The following HMCN2 variants were observed in gnomAD, a reference collection of about 807,000 sequenced individuals.
The protein encoded by HMCN2 is hemicentin-2.
Under a neutral mutation model 377.5 loss-of-function variants are expected in HMCN2, and 325 were observed. That is an observed-to-expected ratio of 0.86 (90% CI 0.79 to 0.94). The LOEUF (loss-of-function observed/expected upper bound fraction) is 0.94. Ranked by LOEUF, HMCN2 falls within the 40% of genes least tolerant of loss-of-function variation. The probability of loss-of-function intolerance (pLI) is 0.00; values close to 1 mark genes in which losing one functional copy is unlikely to be tolerated. For synonymous variants in HMCN2, 2,007 were observed against 2,046.8 expected, an observed-to-expected ratio of 0.98 and a Z score of 0.53; for missense variants, 4,543 against 4,725.3, an observed-to-expected ratio of 0.96 and a Z score of 1.13.
intron 31 of HMCN2, among the ~76,000 whole-genome samples, chr9:130,353,898 G>T (rs1280024842): frequency 1.3e-5 from 2 of 152,162 alleles, no homozygotes; most frequent in African/African-American, 4.8e-5. Flanking sequence ...ATAGGGGTCA[G>T]CCTGGCCCCC....
chr9:130,275,914 G>A (rs1554922987), intron 1 of HMCN2, among the ~76,000 whole-genome samples: 2 of 152,238 alleles, frequency 1.3e-5, no homozygotes, highest in South Asian at 2.1e-4. Context: ...GACTAGGCAC[G>A]TCCCTGTCAT....
chr9:130,416,547 T>C (rs945739434), intron 85 of HMCN2, among the ~76,000 whole-genome samples: 1 of 152,244 alleles, frequency 6.6e-6, no homozygotes, highest in Non-Finnish European at 1.5e-5. Context: ...TTCTGCTACA[T>C]GGATGTACCA....
In HMCN2 at chr9:130,334,760, T is replaced by C. The variant is rs1287764386; in HGVS notation, c.3360-3134T>C. On this transcript the variant is annotated intron_variant, in intron 22 of 97. Transcript: ENST00000683500. ...TCTCTTTCTCTTTCTCTCTCTCTCT[T>C]CTCTCTCTCTCTCTCTCTCCCTCTT... 9.4e-4 allele frequency among the ~76,000 whole-genome samples: 22 copies of C among 23,286 alleles called. 1 individual carries two copies. The highest frequency in any genetic ancestry group is 0.056 in the Middle Eastern group (2 of 36). The allele number at this position is 23,286 out of a possible 152,430, so 15.3% of individuals were successfully genotyped here. A position where few individuals can be genotyped will look rare whatever the true frequency, so the allele number is the denominator to read the frequency against.
In HMCN2 at chr9:130,313,407, GCCAGTCAGGAGT is replaced by G. The variant is rs1198769410; in HGVS notation, c.2350+3349_2350+3360del. 1.7e-4 allele frequency among the ~76,000 whole-genome samples: 25 copies of G among 150,466 alleles called. 1 individual carries two copies. Among genetic ancestry groups the G allele is most frequent in the Non-Finnish European group, 3.4e-4 (23 of 66,916 alleles). ...GGATTACCTTCCGAGCCTGGCATCT[GCCAGTCAGGAGT>G]CCTAGGCTCCATGCCCAGGTCCGCT... On this transcript the variant is annotated intron_variant, in intron 15 of 97. Coordinates refer to ENST00000683500, the MANE Select transcript of HMCN2 (RefSeq NM_001291815.2).
intron 97 of HMCN2, 90 bp downstream of exon 97, chr9:130,432,645 C>T: frequency 7.3e-7 from 1 of 1,366,546 alleles, no homozygotes; most frequent in South Asian, 1.3e-5. Context: ...CATTGTCACT[C>T]CCCACACAAG....
intron 85 of HMCN2, among the ~76,000 whole-genome samples, chr9:130,413,486 A>G (rs1291086448): frequency 6.6e-6 from 1 of 152,184 alleles, no homozygotes; most frequent in Non-Finnish European, 1.5e-5. Context: ...TCCAGACAAG[A>G]TGGTATAGAT....
chr9:130,383,971 G>A (rs748234343), intron 57 of HMCN2, among the ~76,000 whole-genome samples: 1 of 151,748 alleles, frequency 6.6e-6, no homozygotes, highest in South Asian at 2.1e-4. Context: ...AGAGGAGTGG[G>A]ATTGGGGGGG....
Position 130,407,649 on chromosome 9 carries a change from G to C in HMCN2, c.12632G>C (p.Cys4211Ser). Reference sequence around the variant, plus strand: ...AGAGAAGACAGCGGGACCTATGTCTGCTGGGCGGAGAACAGAGTGGGCCGC... The same window carrying C: ...AGAGAAGACAGCGGGACCTATGTCTCCTGGGCGGAGAACAGAGTGGGCCGC... ...VSREDSGTYV[C>S]WAENRVGRTQ... Residue 4211 changes from cysteine to serine, a missense_variant, in exon 83 of 98, where the codon TGC (cysteine) becomes TCC (serine). Transcript: ENST00000683500. 7.8e-7 allele frequency: 1 copy of C among 1,284,202 alleles called. No homozygotes were observed. Among genetic ancestry groups the C allele is most frequent in the Non-Finnish European group, 1.0e-6 (1 of 985,130 alleles). 79.6% of individuals were successfully genotyped at this position (1,284,202 alleles called of 1,614,324 possible).
chr9:130,373,733 G>GATGGA (rs1564828411), intron 48 of HMCN2, among the ~76,000 whole-genome samples: 36 of 21,240 alleles, frequency 1.7e-3, no homozygotes, highest in East Asian at 0.011. Flanking sequence ...GGATGGATAG[G>GATGGA]TAGGTGGATG....
In HMCN2 at chr9:130,427,507, G is replaced by C; in HGVS notation, c.13953G>C (p.Glu4651Asp). 1 of 1,550,490 alleles carries C rather than the reference G, an allele frequency of 6.4e-7. No individual in the cohort carries two copies. The highest frequency in any genetic ancestry group is 8.7e-7 in the Non-Finnish European group (1 of 1,146,950). ...CCCTTCCTGCCCCAGACAGGGACGA[G>C]TGCTCAGGAGGCCCTAGCCCCTGCT... ...SQGAFCVDRD[E>D]CSGGPSPCSH... Residue 4651 changes from glutamate (E) to aspartate (D), a missense_variant, in exon 92 of 98, where the codon GAG (glutamate) becomes GAC (aspartate). Around this residue, in one of 5 missense-constraint regions of HMCN2, gnomAD observed 1,155 missense variants for 1,157.7 expected, o/e 1.00. Transcript: ENST00000683500.
At chr9:130,293,917 C>T (rs1164548700) in intron 4 of HMCN2, among the ~76,000 whole-genome samples, 2 of 151,800 alleles carry the variant, frequency 1.3e-5, no homozygotes, top group Non-Finnish European at 2.9e-5. Flanking sequence ...TGAAGTATAG[C>T]AAGGAGATGG....
At chr9:130,421,791 A>C (rs1844028659) in intron 86 of HMCN2, among the ~76,000 whole-genome samples, 1 of 152,204 alleles carries the variant, frequency 6.6e-6, no homozygotes. Flanking sequence ...TAGAACCCCA[A>C]ATTAACCAGC....
chr9:130,309,514 CAAA>C lies in HMCN2; in HGVS notation c.2201-377_2201-375del, dbSNP rs143190808. Among the ~76,000 whole-genome samples, 408 of 72,330 alleles carry C rather than the reference CAAA, an allele frequency of 5.6e-3. 1 individual carries two copies. Among genetic ancestry groups the C allele is most frequent in the Middle Eastern group, 0.026 (2 of 76 alleles). The allele number at this position is 72,330 out of a possible 152,430, so 47.5% of individuals were successfully genotyped here. A position where few individuals can be genotyped will look rare whatever the true frequency, so the allele number is the denominator to read the frequency against. ...TAGGCAACAGAGGAAGACTCTGTCT[CAAA>C]AAAAAAAAAAAAAAAAAAAAGGAAA... is the stretch of plus-strand genomic sequence containing the variant. On this transcript the variant is annotated intron_variant, in intron 14 of 97. Transcript: ENST00000683500.
chr9:130,377,919 C>A, intron 53 of HMCN2, 120 bp downstream of exon 53: 1 of 771,304 alleles, frequency 1.3e-6, no homozygotes, highest in Non-Finnish European at 1.6e-6. Context: ...TGGCATCTCC[C>A]ACTGGCTCAT....
intron 25 of HMCN2, among the ~76,000 whole-genome samples, chr9:130,343,572 G>T (rs929370753): frequency 6.6e-6 from 1 of 152,062 alleles, no homozygotes; most frequent in South Asian, 2.1e-4. Context: ...TGACTATGGC[G>T]CCACCTTGCG....
intron 1 of HMCN2, among the ~76,000 whole-genome samples, chr9:130,271,897 T>C (rs557842610): frequency 6.7e-6 from 1 of 149,658 alleles, no homozygotes; most frequent in East Asian, 1.9e-4. Context: ...AAGCTAAACA[T>C]GAGTTCATGC....
chr9:130,280,765 T>A (rs1292740322), intron 1 of HMCN2, among the ~76,000 whole-genome samples: 3 of 152,132 alleles, frequency 2.0e-5, no homozygotes, highest in African/African-American at 4.8e-5. Context: ...ATATAAAAAT[T>A]AAAGGTTATA....
intron 4 of HMCN2, among the ~76,000 whole-genome samples, chr9:130,291,362 A>T (rs930213737): frequency 3.3e-5 from 5 of 152,132 alleles, no homozygotes; most frequent in Admixed American, 6.5e-5. Context: ...GGCGCCTGCC[A>T]CCACACCCGG....
In HMCN2 at chr9:130,394,703, G is replaced by T. The variant is rs1588386946; in HGVS notation, c.10692+128G>T. On this transcript the variant is annotated intron_variant, in intron 69 of 97. Transcript: ENST00000683500. This position sits in a 1 kb window ranked among gnomAD's most constrained non-coding sequence, Gnocchi z 5.1. Reference sequence around the variant, plus strand: ...CACCTCCTCTGTGTGGGGTGTGAGGGTGTGGAGGTGACCCACCTTGGCCGT... The same window carrying T: ...CACCTCCTCTGTGTGGGGTGTGAGGTTGTGGAGGTGACCCACCTTGGCCGT... The T allele has an allele frequency of 2.6e-6, 2 of 757,910 alleles. No homozygotes were observed. The highest frequency in any genetic ancestry group is 1.8e-5 in the South Asian group (1 of 57,034). 46.9% of individuals were successfully genotyped at this position (757,910 alleles called of 1,614,324 possible).
Sources: gnomAD v4.1 joint callset for allele counts (sites outside exome capture counted in the v4.1 genomes callset) on GRCh38, gnomAD v4.1.1 for gene constraint, gnomAD v4.1.1 regional missense constraint, Gnocchi (gnomAD v3.1) non-coding constraint, MANE v1.5 for transcripts, NCBI Gene and HGNC (gene_info 2026-07-23, HGNC 2026-07-21) for gene names.